Variants in SLC24A2 observed in about 807,000 individuals in gnomAD.
SLC24A2 encodes the protein solute carrier family 24 member 2.
A neutral mutation model predicts 62.0 loss-of-function variants in SLC24A2; 36 were observed. That is an observed-to-expected ratio of 0.58 (90% confidence interval 0.44 to 0.77). The LOEUF (loss-of-function observed/expected upper bound fraction) is 0.77, where lower values mean the gene tolerates loss of function less well. Ranked by LOEUF, SLC24A2 falls within the 30% of genes least tolerant of loss-of-function variation. The probability of loss-of-function intolerance (pLI) is 0.00; values close to 1 mark genes in which losing one functional copy is unlikely to be tolerated. For synonymous variants in SLC24A2, 358 were observed against 294.0 expected (o/e 1.22, Z -2.23); for missense variants, 846 against 817.9 (o/e 1.03, Z -0.42).
At chr9:20,069,852 T>C in the SLC24A2 span, among the ~76,000 whole-genome samples, 1 of 152,220 alleles carries the variant, frequency 6.6e-6, no homozygotes, top group Non-Finnish European at 1.5e-5. Flanking sequence ...CTCAGTGGAC[T>C]CTCAGTATCA....
At chr9:19,679,363 G>A (rs149182586) in intron 2 of SLC24A2, among the ~76,000 whole-genome samples, 1 of 152,244 alleles carries the variant, frequency 6.6e-6, no homozygotes, top group East Asian at 1.9e-4. Flanking sequence ...GTTGTTGGAG[G>A]CCTGAATGAG....
the SLC24A2 span, among the ~76,000 whole-genome samples, chr9:19,805,306 C>T: frequency 6.6e-6 from 1 of 152,114 alleles, no homozygotes; most frequent in Admixed American, 6.5e-5. Context: ...CATGACAATA[C>T]CATAAACAGA....
At chr9:19,869,772 C>T in the SLC24A2 span, among the ~76,000 whole-genome samples, 1 of 152,114 alleles carries the variant, frequency 6.6e-6, no homozygotes, top group South Asian at 2.1e-4. Flanking sequence ...AAAGTCATGT[C>T]TTCTTAAAAA....
the SLC24A2 span, among the ~76,000 whole-genome samples, chr9:19,949,259 G>T: frequency 2.0e-5 from 3 of 152,070 alleles, no homozygotes; most frequent in East Asian, 5.9e-4. Context: ...CTCCCAAAGT[G>T]CTGGGATTAC....
At chr9:20,171,860 T>A in the SLC24A2 span, among the ~76,000 whole-genome samples, 3 of 151,990 alleles carry the variant, frequency 2.0e-5, no homozygotes, top group Non-Finnish European at 2.9e-5. Flanking sequence ...CTGGAATGAA[T>A]GGACTTAACA....
chr9:19,553,512 C>T (rs1340275824), intron 7 of SLC24A2, among the ~76,000 whole-genome samples: 1 of 152,190 alleles, frequency 6.6e-6, no homozygotes. Context: ...GCTTTAGGGC[C>T]TTGTAATCTT....
chr9:19,721,907 CT>C (rs34833099), intron 2 of SLC24A2, among the ~76,000 whole-genome samples: 1 of 152,050 alleles, frequency 6.6e-6, no homozygotes, highest in South Asian at 2.1e-4. Context: ...AGGTTCATTG[CT>C]TTTTTTCAGA....
the SLC24A2 span, among the ~76,000 whole-genome samples, chr9:20,230,538 A>T: frequency 6.6e-6 from 1 of 152,136 alleles, no homozygotes; most frequent in East Asian, 1.9e-4. Flanking sequence ...TCTTCTTTTG[A>T]GTAGTGTCTG....
the SLC24A2 span, among the ~76,000 whole-genome samples, chr9:19,832,277 T>C: frequency 6.6e-6 from 1 of 152,356 alleles, no homozygotes; most frequent in Admixed American, 6.5e-5. Flanking sequence ...TTCAAAGTAA[T>C]TTGGCTGATT....
chr9:19,921,879 G>A, the SLC24A2 span, among the ~76,000 whole-genome samples: 1 of 152,142 alleles, frequency 6.6e-6, no homozygotes, highest in Non-Finnish European at 1.5e-5. Flanking sequence ...TGTGATAGGA[G>A]CAAATCACTT....
At chr9:19,834,928 C>T in the SLC24A2 span, among the ~76,000 whole-genome samples, 67 of 152,178 alleles carry the variant, frequency 4.4e-4, no homozygotes, top group African/African-American at 1.4e-3. Flanking sequence ...ATTCAACATT[C>T]TTAAAGAAAA....
At chr9:19,672,381 T>C (rs1720732697) in intron 2 of SLC24A2, among the ~76,000 whole-genome samples, 1 of 146,640 alleles carries the variant, frequency 6.8e-6, no homozygotes, top group Admixed American at 6.7e-5. Flanking sequence ...GTGGTATCCG[T>C]TGTAATAGCT....
chr9:19,800,907 C>G, the SLC24A2 span, among the ~76,000 whole-genome samples: 1 of 152,204 alleles, frequency 6.6e-6, no homozygotes, highest in Admixed American at 6.5e-5. Context: ...TGAGTCTTCT[C>G]TGCTGATGTT....
At chr9:19,836,738 A>G in the SLC24A2 span, among the ~76,000 whole-genome samples, 1 of 152,228 alleles carries the variant, frequency 6.6e-6, no homozygotes, top group East Asian at 1.9e-4. Context: ...TGAGGCCAGC[A>G]TCATCCTGAT....
chr9:19,878,579 G>T, the SLC24A2 span, among the ~76,000 whole-genome samples: 1 of 152,106 alleles, frequency 6.6e-6, no homozygotes, highest in African/African-American at 2.4e-5. Flanking sequence ...GGAGGTGATT[G>T]GATCATGGGG....
rs1832842039 is a variant in SLC24A2 at position 19,514,193 on chromosome 9, G to A, written c.*1960C>T. Reference sequence around the variant, plus strand: ...TCTGTGGGGTGAGCTGAGGTTTTCTGGAAGGAATACTGAGCTTGATCTGGG... The same window carrying A: ...TCTGTGGGGTGAGCTGAGGTTTTCTAGAAGGAATACTGAGCTTGATCTGGG... On this transcript the variant is annotated 3_prime_UTR_variant, in exon 11 of 11. Transcript: ENST00000341998. The A allele has an allele frequency of 6.6e-6, 1 of 152,206 alleles. No homozygotes were observed. Among genetic ancestry groups the A allele is most frequent in the Non-Finnish European group, 1.5e-5 (1 of 68,068 alleles). 9.4% of individuals were successfully genotyped at this position (152,206 alleles called of 1,614,324 possible).
At chr9:20,231,066 G>C in the SLC24A2 span, among the ~76,000 whole-genome samples, 1 of 152,072 alleles carries the variant, frequency 6.6e-6, no homozygotes. Flanking sequence ...TTATTTCTGA[G>C]GGCTCTGTTC....
chr9:20,261,352 T>A, the SLC24A2 span, among the ~76,000 whole-genome samples: 99,667 of 152,086 alleles, frequency 0.66, 34,867 homozygotes, highest in East Asian at 0.95. Flanking sequence ...CAGGCTGACA[T>A]CTAGTGAGGG....
At chr9:20,150,265 A>G in the SLC24A2 span, among the ~76,000 whole-genome samples, 2 of 152,122 alleles carry the variant, frequency 1.3e-5, no homozygotes, top group Admixed American at 1.3e-4. Flanking sequence ...ATTACAGACT[A>G]TGATCAGAGG....
Sources: allele counts gnomAD v4.1 joint callset (sites outside exome capture counted in the v4.1 genomes callset), GRCh38; gene constraint gnomAD v4.1.1; transcripts MANE v1.5; gene names NCBI Gene and HGNC (gene_info 2026-07-23, HGNC 2026-07-21).